Variants in CASTOR2 observed in about 807,000 individuals in gnomAD.
The protein encoded by CASTOR2 is cytosolic arginine sensor for mTORC1 subunit 2.
In CASTOR2, 8 loss-of-function variants were observed where a neutral mutation model predicts 31.2. That is an observed-to-expected ratio of 0.26 (90% CI 0.15 to 0.46). CASTOR2 has a LOEUF of 0.46. Ranked by LOEUF, CASTOR2 falls within the 20% of genes least tolerant of loss-of-function variation. The pLI, the probability that CASTOR2 is intolerant of heterozygous loss-of-function variation, is 0.99. For missense variants in CASTOR2, 216 were observed against 382.1 expected, an observed-to-expected ratio of 0.57 and a Z score of 3.62; for synonymous variants, 162 against 158.7, an observed-to-expected ratio of 1.02 and a Z score of -0.16.
At chr7:75,016,510 G>GA (rs1804867483) in intron 2 of CASTOR2, among the ~76,000 whole-genome samples, 1 of 152,174 alleles carries the variant, frequency 6.6e-6, no homozygotes, top group African/African-American at 2.4e-5. Context: ...TTCTTCCAGA[G>GA]AAGCCCAATG....
In CASTOR2 at chr7:74,985,585, C is replaced by CAAAA. The variant is rs782053038; in HGVS notation, c.113+20507_113+20510dup. Among the ~76,000 whole-genome samples, 37 of 67,510 alleles carry CAAAA rather than the reference C, an allele frequency of 5.5e-4. 1 individual carries two copies. The highest frequency in any genetic ancestry group is 6.8e-4 in the Non-Finnish European group (27 of 39,442). The allele number at this position is 67,510 out of a possible 152,430, so 44.3% of individuals were successfully genotyped here. On this transcript the variant is annotated intron_variant, in intron 1 of 8. Transcript: ENST00000616305. ...CCAAAGATTGAGAAACAGCCTGGCT[C>CAAAA]AAAAAAAAAAAAAAAAAAAAAAAGA...
chr7:75,018,690 G>A (rs1253423467), intron 4 of CASTOR2, among the ~76,000 whole-genome samples: 1 of 152,278 alleles, frequency 6.6e-6, no homozygotes, highest in Non-Finnish European at 1.5e-5. Context: ...AGGGACTGTG[G>A]TGCTGAAGCC....
Position 75,019,092 on chromosome 7 carries a change from A to T in CASTOR2, c.632A>T (p.Asn211Ile), listed in dbSNP as rs1430966369. ...CTCATGGATGTCATGTTCTACTCCA[A>T]TGGGTAGGGCTGCCTTGGGCATGAG... is the stretch of plus-strand genomic sequence containing the variant. ...TLLMDVMFYSNGVKDPMATGD... is the reference protein window; with the variant it reads ...TLLMDVMFYSIGVKDPMATGD... Residue 211 changes from asparagine (N) to isoleucine (I), a missense_variant, in exon 5 of 9, where the codon AAT becomes ATT. Asn to Ile is a moderately radical substitution (Grantham distance 149, BLOSUM62 -3). Coordinates refer to ENST00000616305, the MANE Select transcript of CASTOR2 (RefSeq NM_001145064.3). 1 of 1,551,744 alleles carries T rather than the reference A, an allele frequency of 6.4e-7. No individual in the cohort carries two copies. Among genetic ancestry groups the T allele is most frequent in the Admixed American group, 2.0e-5 (1 of 50,998 alleles).
chr7:75,002,174 C>T (rs1305273889), intron 1 of CASTOR2, among the ~76,000 whole-genome samples: 2 of 150,750 alleles, frequency 1.3e-5, no homozygotes, highest in African/African-American at 2.4e-5. Context: ...GATCCATTCA[C>T]CTCCACCTCC....
At chr7:75,008,169 C>G (rs1211977398) in intron 2 of CASTOR2, 105 bp downstream of exon 2, 29 of 1,382,398 alleles carry the variant, frequency 2.1e-5, no homozygotes, top group Non-Finnish European at 3.0e-5. Flanking sequence ...TATTTCTGCC[C>G]CCACCTACCT....
chr7:75,001,728 T>C (rs1362933351), intron 1 of CASTOR2, among the ~76,000 whole-genome samples: 1 of 152,248 alleles, frequency 6.6e-6, no homozygotes, highest in Non-Finnish European at 1.5e-5. Context: ...CAGTGTCAGA[T>C]ACAAGGTGTG....
intron 1 of CASTOR2, among the ~76,000 whole-genome samples, chr7:75,001,849 C>T (rs1446858206): frequency 2.4e-4 from 37 of 152,140 alleles, no homozygotes; most frequent in Admixed American, 1.9e-3. Context: ...CACTGTCATG[C>T]GCAGTTGGAT....
chr7:74,988,222 C>T (rs1158371799), intron 1 of CASTOR2, among the ~76,000 whole-genome samples: 5 of 75,980 alleles, frequency 6.6e-5, no homozygotes, highest in African/African-American at 1.2e-4. Flanking sequence ...CTCTGCCTCC[C>T]GGGTCAAGCA....
chr7:75,008,725 C>G (rs1804659267), intron 2 of CASTOR2, among the ~76,000 whole-genome samples: 1 of 152,042 alleles, frequency 6.6e-6, no homozygotes, highest in African/African-American at 2.4e-5. Flanking sequence ...AGAAAAGTGT[C>G]TAGCTGGCAA....
At chr7:75,002,272 G>T (rs1804516431) in intron 1 of CASTOR2, among the ~76,000 whole-genome samples, 2 of 152,024 alleles carry the variant, frequency 1.3e-5, no homozygotes, top group African/African-American at 4.8e-5. Context: ...AGTCTTAAAG[G>T]ATGAACATGA....
chr7:74,999,573 G>A (rs1255402960), intron 1 of CASTOR2, among the ~76,000 whole-genome samples: 1 of 137,754 alleles, frequency 7.3e-6, no homozygotes, highest in East Asian at 2.3e-4. Context: ...CATGAACTGT[G>A]GCCCCGAAAC....
intron 1 of CASTOR2, among the ~76,000 whole-genome samples, chr7:74,992,538 C>T (rs1349314360): frequency 5.3e-5 from 8 of 152,064 alleles, no homozygotes; most frequent in East Asian, 1.9e-4. Context: ...CTCCTGGGTT[C>T]GAGCGATTCT....
chr7:75,017,530 C>A (rs1804893683), intron 2 of CASTOR2, 68 bp from the exon 3 acceptor site: 2 of 1,566,506 alleles, frequency 1.3e-6, no homozygotes, highest in East Asian at 2.3e-5. Flanking sequence ...CTCTGGCCTG[C>A]CTTGCCCTGC....
intron 1 of CASTOR2, among the ~76,000 whole-genome samples, chr7:75,001,260 T>A (rs1355687358): frequency 6.6e-6 from 1 of 152,022 alleles, no homozygotes; most frequent in Non-Finnish European, 1.5e-5. Flanking sequence ...AATTTTTTTG[T>A]AGAGATGGAG....
chr7:74,986,318 T>G (rs1371489995), intron 1 of CASTOR2, among the ~76,000 whole-genome samples: 1 of 151,058 alleles, frequency 6.6e-6, no homozygotes, highest in East Asian at 2.0e-4. Flanking sequence ...AAACCCTGTC[T>G]CTACTAAAAA....
chr7:75,023,362 G>T (rs1383560720), intron 7 of CASTOR2, among the ~76,000 whole-genome samples: 1 of 151,900 alleles, frequency 6.6e-6, no homozygotes, highest in Non-Finnish European at 1.5e-5. Flanking sequence ...ACAATGACAG[G>T]ATTCCACAGG....
chr7:74,998,877 G>T (rs1454077214), intron 1 of CASTOR2, among the ~76,000 whole-genome samples: 1 of 151,994 alleles, frequency 6.6e-6, no homozygotes, highest in African/African-American at 2.4e-5. Flanking sequence ...TGCCCTATCC[G>T]TCCCCTTTGG....
Position 75,030,032 on chromosome 7 carries a change from G to T in CASTOR2, c.*5333G>T, listed in dbSNP as rs1012067528. The stretch of plus-strand genomic sequence containing the variant: ...AAAGAGGCCCCAGGGAAGGAAGCCA[G>T]CCAGGAGCAGCCTGGAGCAGAGGCA... On this transcript the variant is annotated 3_prime_UTR_variant, in exon 9 of 9. Transcript: ENST00000616305. 1.4e-4 allele frequency among the ~76,000 whole-genome samples: 21 copies of T among 152,342 alleles called. No individual in the cohort carries two copies. The highest frequency in any genetic ancestry group is 4.8e-4 in the African/African-American group (20 of 41,574).
chr7:74,997,473 C>T (rs1365066532), intron 1 of CASTOR2, among the ~76,000 whole-genome samples: 35 of 150,640 alleles, frequency 2.3e-4, no homozygotes, highest in Admixed American at 1.4e-3. Context: ...CTTGCTAGTC[C>T]GGAGAGCAGT....
Sources: gnomAD v4.1 joint callset for allele counts (sites outside exome capture counted in the v4.1 genomes callset) on GRCh38, gnomAD v4.1.1 for gene constraint, MANE v1.5 for transcripts, NCBI Gene and HGNC (gene_info 2026-07-23, HGNC 2026-07-21) for gene names.